The following AFF2 variants were observed in gnomAD, a reference collection of about 807,000 sequenced individuals.
AFF2 encodes the protein ALF transcription elongation factor 2, also known as AF4/FMR2 family member 2.
In AFF2, 14 loss-of-function variants were observed where a neutral mutation model predicts 76.9. The observed-to-expected ratio is 0.18, with a 90% CI of 0.12 to 0.28. The LOEUF (loss-of-function observed/expected upper bound fraction) is 0.28. Ranked by LOEUF, AFF2 falls within the 10% of genes least tolerant of loss-of-function variation. The pLI is 1.00. For missense variants in AFF2, 868 were observed against 1,001.1 expected, an observed-to-expected ratio of 0.87 and a Z score of 1.79; for synonymous variants, 398 against 366.7, an observed-to-expected ratio of 1.09 and a Z score of -0.98.
At chrX:148,842,936 T>C in intron 5 of AFF2, 30 bp from the exon 6 acceptor site, 2 of 1,137,864 alleles carry the variant, frequency 1.8e-6, no homozygotes, top group Non-Finnish European at 2.4e-6. Flanking sequence ...ATTTAACTAA[T>C]GTTTGTGTCA....
chrX:148,952,070 T>C (rs2071975178), intron 9 of AFF2, among the ~76,000 whole-genome samples: 1 of 111,192 alleles, frequency 9.0e-6, no homozygotes. Context: ...TAGTGACTGA[T>C]GAGGAGCCTG....
chrX:148,623,230 CT>C (rs2053888024), intron 1 of AFF2, among the ~76,000 whole-genome samples: 1 of 111,600 alleles, frequency 9.0e-6, no homozygotes, highest in South Asian at 3.7e-4. Flanking sequence ...GAAGTGTTCT[CT>C]TTGCTCTAAA....
At chrX:148,659,987 T>A (rs1347367328) in intron 2 of AFF2, among the ~76,000 whole-genome samples, 1 of 112,316 alleles carries the variant, frequency 8.9e-6, no homozygotes, top group African/African-American at 3.2e-5. Flanking sequence ...AATTGTTTAA[T>A]CACTACTTCA....
At chrX:148,625,700 G>A (rs1569552321) in intron 1 of AFF2, among the ~76,000 whole-genome samples, 1 of 111,664 alleles carries the variant, frequency 9.0e-6, no homozygotes, top group East Asian at 2.8e-4. Flanking sequence ...AAATGTCTTT[G>A]TTCCTAAAGA....
intron 12 of AFF2, among the ~76,000 whole-genome samples, chrX:148,958,689 T>G (rs879973706): frequency 9.0e-6 from 1 of 111,569 alleles, no homozygotes; most frequent in Non-Finnish European, 1.9e-5. Context: ...TTTAGCAACA[T>G]TTCTTTACTC....
chrX:148,525,895 C>G (rs2052652741), intron 1 of AFF2, among the ~76,000 whole-genome samples: 1 of 111,739 alleles, frequency 8.9e-6, no homozygotes, highest in Non-Finnish European at 1.9e-5. Flanking sequence ...TCTGACTGCT[C>G]TGTGTGCTTA....
chrX:148,623,582 G>A (rs1248479479), intron 1 of AFF2, among the ~76,000 whole-genome samples: 10 of 99,429 alleles, frequency 1.0e-4, no homozygotes, highest in African/African-American at 3.7e-4. Flanking sequence ...TCATATATAT[G>A]TCCCACTCAA....
intron 2 of AFF2, among the ~76,000 whole-genome samples, chrX:148,656,799 C>T (rs1442852760): frequency 9.0e-6 from 1 of 111,436 alleles, no homozygotes; most frequent in Non-Finnish European, 1.9e-5. Context: ...CGCGCCCGGC[C>T]GAGGAATTTT....
intron 9 of AFF2, among the ~76,000 whole-genome samples, chrX:148,945,363 GT>G (rs2071888338): frequency 8.9e-6 from 1 of 112,391 alleles, no homozygotes; most frequent in African/African-American, 3.2e-5. Context: ...AACTTTCTCT[GT>G]TGCTAAAGGA....
intron 1 of AFF2, among the ~76,000 whole-genome samples, chrX:148,510,942 G>T (rs782811820): frequency 1.8e-5 from 2 of 112,256 alleles, no homozygotes; most frequent in Non-Finnish European, 3.8e-5. Context: ...CAAGAGAAGT[G>T]CTAAAATCAC....
intron 3 of AFF2, among the ~76,000 whole-genome samples, chrX:148,685,522 A>G (rs2054592039): frequency 8.9e-6 from 1 of 111,900 alleles, no homozygotes; most frequent in Admixed American, 9.5e-5. Context: ...AAAATATTCT[A>G]TTAAGCATTC....
intron 3 of AFF2, among the ~76,000 whole-genome samples, chrX:148,775,132 T>C (rs2069651588): frequency 8.9e-6 from 1 of 112,042 alleles, no homozygotes; most frequent in African/African-American, 3.2e-5. Flanking sequence ...ATATTTGTTA[T>C]AAAAATTGAT....
At chrX:148,589,804 C>T (rs1391030598) in intron 1 of AFF2, among the ~76,000 whole-genome samples, 5 of 109,451 alleles carry the variant, frequency 4.6e-5, no homozygotes, top group African/African-American at 1.7e-4. Flanking sequence ...TGAAAAAATA[C>T]CAGTATAAAT....
intron 2 of AFF2, among the ~76,000 whole-genome samples, chrX:148,654,633 C>T (rs1363023777): frequency 6.4e-5 from 7 of 108,983 alleles, no homozygotes; most frequent in South Asian, 4.0e-4. Flanking sequence ...AGCAAGGTCC[C>T]GGAGGAGATT....
intron 3 of AFF2, among the ~76,000 whole-genome samples, chrX:148,693,980 T>C (rs2124505327): frequency 9.0e-6 from 1 of 111,364 alleles, no homozygotes; most frequent in African/African-American, 3.3e-5. Flanking sequence ...CATGGAATAC[T>C]ATGCAGCCGT....
intron 7 of AFF2, among the ~76,000 whole-genome samples, chrX:148,859,758 A>G (rs2124047044): frequency 9.0e-6 from 1 of 111,730 alleles, no homozygotes; most frequent in East Asian, 2.8e-4. Context: ...CACATCTGAC[A>G]TGCCAAGCAG....
At chrX:148,824,391 T>C (rs112748384) in intron 4 of AFF2, among the ~76,000 whole-genome samples, 2 of 111,455 alleles carry the variant, frequency 1.8e-5, no homozygotes, top group African/African-American at 6.5e-5. Flanking sequence ...ACTAAAAGAG[T>C]GGACCTTAAA....
At chrX:148,715,999 T>C (rs1220800089) in intron 3 of AFF2, among the ~76,000 whole-genome samples, 1 of 110,395 alleles carries the variant, frequency 9.1e-6, no homozygotes, top group Non-Finnish European at 1.9e-5. Flanking sequence ...AAAGCATCAT[T>C]TCTCTCTCTC....
intron 3 of AFF2, among the ~76,000 whole-genome samples, chrX:148,700,184 A>G (rs2054768488): frequency 1.8e-5 from 2 of 111,406 alleles, no homozygotes; most frequent in African/African-American, 3.3e-5. Context: ...ACAAAAAATT[A>G]TCTACCTTGG....
Sources: gnomAD v4.1 joint callset for allele counts (sites outside exome capture counted in the v4.1 genomes callset) on GRCh38, gnomAD v4.1.1 for gene constraint, MANE v1.5 for transcripts, NCBI Gene and HGNC (gene_info 2026-07-23, HGNC 2026-07-21) for gene names.